Variants in FAM107B observed in about 807,000 individuals in gnomAD.
The protein encoded by FAM107B is protein FAM107B.
In FAM107B, 21 loss-of-function variants were observed where a neutral mutation model predicts 31.5. That is an observed-to-expected ratio of 0.67 (90% CI 0.47 to 0.96). The LOEUF (loss-of-function observed/expected upper bound fraction) is 0.96, where lower values mean the gene tolerates loss of function less well. Among genes scored for constraint, FAM107B ranks in the 40% least tolerant of loss-of-function variants. FAM107B has a pLI of 0.00. For synonymous variants in FAM107B, 157 were observed against 141.5 expected, an observed-to-expected ratio of 1.11 and a Z score of -0.78; for missense variants, 452 against 377.1, an observed-to-expected ratio of 1.20 and a Z score of -1.64.
chr10:14,590,579 C>A (rs749810036), intron 2 of FAM107B, among the ~76,000 whole-genome samples: 1 of 152,204 alleles, frequency 6.6e-6, no homozygotes, highest in Non-Finnish European at 1.5e-5. Flanking sequence ...TCATTCGCTA[C>A]GATCATGCTT....
chr10:14,528,053 G>C (rs1430941560), intron 3 of FAM107B: 2 of 385,164 alleles, frequency 5.2e-6, no homozygotes, highest in Non-Finnish European at 1.0e-5. Flanking sequence ...CAAAGAAAAG[G>C]GAGAAAAAGC....
chr10:14,774,169 T>C (rs1564299885), intron 1 of FAM107B, 84 bp downstream of exon 1: 1 of 1,508,218 alleles, frequency 6.6e-7, no homozygotes, highest in East Asian at 2.3e-5. Context: ...TTAAATGAGT[T>C]TGTTTGCTGA....
chr10:14,597,640 G>A (rs1441938367), intron 2 of FAM107B, among the ~76,000 whole-genome samples: 6 of 152,078 alleles, frequency 3.9e-5, no homozygotes, highest in Non-Finnish European at 5.9e-5. Context: ...CATCACTGCC[G>A]GCTGCATTAC....
At chr10:14,634,725 C>T (rs570196922) in intron 2 of FAM107B, among the ~76,000 whole-genome samples, 3 of 152,244 alleles carry the variant, frequency 2.0e-5, no homozygotes, top group Non-Finnish European at 4.4e-5. Context: ...CAGCTTTTAG[C>T]CTGAAGTCAG....
intron 1 of FAM107B, among the ~76,000 whole-genome samples, chr10:14,682,831 G>A (rs2131497089): frequency 6.6e-6 from 1 of 151,854 alleles, no homozygotes; most frequent in Admixed American, 6.6e-5. Flanking sequence ...TATGGCACAT[G>A]TATACCTATG....
intron 1 of FAM107B, among the ~76,000 whole-genome samples, chr10:14,679,871 G>T (rs899586169): frequency 1.3e-5 from 2 of 152,192 alleles, no homozygotes; most frequent in Non-Finnish European, 2.9e-5. Flanking sequence ...GACTGGTTCA[G>T]TCTTCCGGCC....
chr10:14,523,126 T>C (rs1467480227), intron 3 of FAM107B, among the ~76,000 whole-genome samples: 1 of 152,256 alleles, frequency 6.6e-6, no homozygotes, highest in Non-Finnish European at 1.5e-5. Flanking sequence ...TCTAGTGCTA[T>C]ATCTGTCTGT....
intron 1 of FAM107B, among the ~76,000 whole-genome samples, chr10:14,733,766 T>C (rs1856227620): frequency 6.6e-6 from 1 of 152,114 alleles, no homozygotes; most frequent in Admixed American, 6.5e-5. Context: ...AAACAGTGAG[T>C]AAATAGCCAA....
intron 1 of FAM107B, among the ~76,000 whole-genome samples, chr10:14,711,185 A>G (rs544252940): frequency 6.6e-6 from 1 of 152,322 alleles, no homozygotes; most frequent in South Asian, 2.1e-4. Context: ...TGCTGGGATT[A>G]CAGGCGTGAG....
chr10:14,742,173 A>G (rs1856455408), intron 1 of FAM107B, among the ~76,000 whole-genome samples: 1 of 152,134 alleles, frequency 6.6e-6, no homozygotes, highest in African/African-American at 2.4e-5. Flanking sequence ...GTGCAGTGGC[A>G]AAATCATGAC....
intron 2 of FAM107B, among the ~76,000 whole-genome samples, chr10:14,655,472 C>T (rs184932168): frequency 2.6e-5 from 4 of 152,188 alleles, no homozygotes; most frequent in Admixed American, 6.5e-5. Context: ...TAGGCTGGAG[C>T]GCAGTGGCGC....
At chr10:14,767,024 G>GTGTATATA (rs1219301209) in intron 1 of FAM107B, among the ~76,000 whole-genome samples, 6 of 16,240 alleles carry the variant, frequency 3.7e-4, no homozygotes, top group Non-Finnish European at 6.8e-4. Context: ...TGATGTGTAT[G>GTGTATATA]TATATATATA....
At chr10:14,686,807 C>T (rs886186603) in intron 1 of FAM107B, among the ~76,000 whole-genome samples, 6 of 152,144 alleles carry the variant, frequency 3.9e-5, no homozygotes, top group South Asian at 2.1e-4. Context: ...TGTTCAGTGC[C>T]AATTAACAAA....
Position 14,774,870 on chromosome 10 carries a change from C to G in FAM107B, c.-207G>C, listed in dbSNP as rs913049823. 15 of 592,056 alleles carry G rather than the reference C, an allele frequency of 2.5e-5. No individual in the cohort carries two copies. Among genetic ancestry groups the G allele is most frequent in the Non-Finnish European group, 3.0e-5 (10 of 338,796 alleles). 36.7% of individuals were successfully genotyped at this position (592,056 alleles called of 1,614,324 possible). A position where few individuals can be genotyped will look rare whatever the true frequency, so the allele number is the denominator to read the frequency against. On this transcript the variant is annotated 5_prime_UTR_variant, in exon 1 of 5. Coordinates refer to ENST00000181796, the MANE Select transcript of FAM107B (RefSeq NM_031453.4). ...TGGGGCCCCTTTGAAAGTGTCCATCCTGGGCAATTTCGCGCTCTTCCTTCT... is the reference window on the plus strand; with the variant it reads ...TGGGGCCCCTTTGAAAGTGTCCATCGTGGGCAATTTCGCGCTCTTCCTTCT...
intron 2 of FAM107B, among the ~76,000 whole-genome samples, chr10:14,567,360 G>A (rs1850762740): frequency 6.6e-6 from 1 of 152,102 alleles, no homozygotes; most frequent in Non-Finnish European, 1.5e-5. Context: ...CGTGAGCTGT[G>A]GAAAGATAAT....
chr10:14,528,385 T>G (rs919416670), intron 3 of FAM107B, among the ~76,000 whole-genome samples: 1 of 152,000 alleles, frequency 6.6e-6, no homozygotes, highest in African/African-American at 2.4e-5. Context: ...TTTCGCCAGG[T>G]TGGCCAGGCT....
chr10:14,718,595 A>G (rs927790054), intron 1 of FAM107B, among the ~76,000 whole-genome samples: 3 of 152,020 alleles, frequency 2.0e-5, no homozygotes, highest in Non-Finnish European at 4.4e-5. Context: ...CAGCAGAGTC[A>G]ATAACAGCAT....
intron 1 of FAM107B, among the ~76,000 whole-genome samples, chr10:14,709,157 A>G (rs1422727625): frequency 1.3e-5 from 2 of 152,220 alleles, no homozygotes; most frequent in Non-Finnish European, 2.9e-5. Context: ...AAAGCTAAAC[A>G]TACTCTTACC....
At chr10:14,572,099 A>C in intron 2 of FAM107B, 1 of 985,444 alleles carries the variant, frequency 1.0e-6, no homozygotes, top group African/African-American at 1.7e-5. Context: ...CCACAGTTCA[A>C]GTTCAAAGAG....
Sources: allele counts gnomAD v4.1 joint callset (sites outside exome capture counted in the v4.1 genomes callset), GRCh38; gene constraint gnomAD v4.1.1; transcripts MANE v1.5; gene names NCBI Gene and HGNC (gene_info 2026-07-23, HGNC 2026-07-21).